The following BICC1 variants were observed in gnomAD, a reference collection of about 807,000 sequenced individuals.
The protein encoded by BICC1 is protein bicaudal C homolog 1.
In BICC1, 43 loss-of-function variants were observed where a neutral mutation model predicts 111.0. The observed-to-expected ratio is 0.39, with a 90% CI of 0.30 to 0.50. The LOEUF (loss-of-function observed/expected upper bound fraction) is 0.50. Ranked by LOEUF, BICC1 falls within the 20% of genes least tolerant of loss-of-function variation. BICC1 has a pLI of 0.88. For synonymous variants in BICC1, 467 were observed against 434.4 expected (o/e 1.07, Z -0.93); for missense variants, 1,091 against 1,203.2 (o/e 0.91, Z 1.38).
chr10:58,528,312 T>C (rs1842597664), intron 1 of BICC1, among the ~76,000 whole-genome samples: 1 of 151,878 alleles, frequency 6.6e-6, no homozygotes, highest in Non-Finnish European at 1.5e-5. Context: ...GTTTTACTGT[T>C]AGTGATAGAA....
chr10:58,590,503 C>A (rs950265870), intron 1 of BICC1, among the ~76,000 whole-genome samples: 5 of 152,098 alleles, frequency 3.3e-5, no homozygotes, highest in African/African-American at 1.2e-4. Flanking sequence ...GCTTTCAGTT[C>A]CAGTTAGTGC....
At chr10:58,620,637 CAA>C (rs1420947349) in intron 1 of BICC1, among the ~76,000 whole-genome samples, 1 of 152,082 alleles carries the variant, frequency 6.6e-6, no homozygotes, top group Non-Finnish European at 1.5e-5. Flanking sequence ...TCAGACAAAG[CAA>C]AAGAGTGTTA....
intron 2 of BICC1, among the ~76,000 whole-genome samples, chr10:58,661,744 A>G: frequency 6.6e-6 from 1 of 152,164 alleles, no homozygotes; most frequent in Non-Finnish European, 1.5e-5. Context: ...TCATTGGAGG[A>G]TAACAGTGCT....
At chr10:58,545,706 A>G in intron 1 of BICC1, among the ~76,000 whole-genome samples, 1 of 152,172 alleles carries the variant, frequency 6.6e-6, no homozygotes, top group Admixed American at 6.6e-5. Context: ...TGTCATCAGT[A>G]GAAGGACGCT....
At chr10:58,813,770 TC>T in intron 17 of BICC1, 59 bp from the exon 18 acceptor site, 2 of 1,544,994 alleles carry the variant, frequency 1.3e-6, no homozygotes, top group South Asian at 2.4e-5. Flanking sequence ...TCTTTTCTCC[TC>T]CCACCCTGAA....
At chr10:58,600,352 C>A (rs1396136938) in intron 1 of BICC1, among the ~76,000 whole-genome samples, 1 of 152,006 alleles carries the variant, frequency 6.6e-6, no homozygotes, top group African/African-American at 2.4e-5. Flanking sequence ...CTGCATTTTA[C>A]GTGTTGTGAG....
At chr10:58,676,620 A>G (rs1296231436) in intron 2 of BICC1, among the ~76,000 whole-genome samples, 3 of 152,204 alleles carry the variant, frequency 2.0e-5, no homozygotes, top group Middle Eastern at 6.8e-3. Flanking sequence ...TGGGTACAGC[A>G]TCAGCAGGCT....
At chr10:58,774,060 A>G (rs1383110510) in intron 3 of BICC1, among the ~76,000 whole-genome samples, 2 of 152,190 alleles carry the variant, frequency 1.3e-5, no homozygotes, top group Non-Finnish European at 2.9e-5. Context: ...AGTGGTGGCC[A>G]TAAACATATG....
At chr10:58,692,195 A>T (rs1344782696) in intron 2 of BICC1, among the ~76,000 whole-genome samples, 1 of 152,164 alleles carries the variant, frequency 6.6e-6, no homozygotes, top group Non-Finnish European at 1.5e-5. Flanking sequence ...AGAGAGAGAC[A>T]GGTGACCTCT....
At chr10:58,735,214 G>A (rs1841431526) in intron 3 of BICC1, among the ~76,000 whole-genome samples, 1 of 152,050 alleles carries the variant, frequency 6.6e-6, no homozygotes. Flanking sequence ...TTCTGTTTTG[G>A]TGACTGCAAC....
chr10:58,641,378 A>G (rs1838118237), intron 2 of BICC1, among the ~76,000 whole-genome samples: 1 of 152,022 alleles, frequency 6.6e-6, no homozygotes, highest in Non-Finnish European at 1.5e-5. Flanking sequence ...GAATTTTTCT[A>G]GGACTTATTG....
chr10:58,723,398 T>A (rs1840999487), intron 3 of BICC1, among the ~76,000 whole-genome samples: 1 of 152,158 alleles, frequency 6.6e-6, no homozygotes, highest in Admixed American at 6.5e-5. Flanking sequence ...GGAAAAAAAT[T>A]AAAAACTTGC....
rs116059678 is a variant in BICC1, at chr10:58,528,207, G to C, written c.190+14874G>C. 7.7e-3 allele frequency among the ~76,000 whole-genome samples: 1,174 copies of C among 151,958 alleles called. 18 individuals are homozygous for C. The highest frequency in any genetic ancestry group is 0.027 in the African/African-American group (1,129 of 41,496). On this transcript the variant is annotated intron_variant, in intron 1 of 20. Transcript: ENST00000373886. ...AAAGTCACGTGCTTGGCCTTAGGAA[G>C]TGCCAAACAGTTCTGCCTTACCCAA...
intron 2 of BICC1, among the ~76,000 whole-genome samples, chr10:58,653,602 T>G (rs1838521121): frequency 6.6e-6 from 1 of 152,192 alleles, no homozygotes; most frequent in Non-Finnish European, 1.5e-5. Context: ...AAGTGTTGTC[T>G]TCATCTGCCA....
intron 2 of BICC1, among the ~76,000 whole-genome samples, chr10:58,674,346 G>T (rs923886794): frequency 6.6e-6 from 1 of 151,816 alleles, no homozygotes; most frequent in Non-Finnish European, 1.5e-5. Context: ...TTTGTACCAT[G>T]TCTGCAGGTC....
chr10:58,617,748 G>C (rs1260742530), intron 1 of BICC1, among the ~76,000 whole-genome samples: 2 of 152,248 alleles, frequency 1.3e-5, no homozygotes, highest in African/African-American at 4.8e-5. Flanking sequence ...AAAAGTAACA[G>C]AAGTGGCCAG....
At chr10:58,650,962 A>G (rs1838428310) in intron 2 of BICC1, 1 of 152,034 alleles carries the variant, frequency 6.6e-6, no homozygotes, top group African/African-American at 2.4e-5. Context: ...TAATGGTAAC[A>G]CTTCTGTTAG....
chr10:58,549,158 T>TC (rs953453770), intron 1 of BICC1, among the ~76,000 whole-genome samples: 1 of 148,666 alleles, frequency 6.7e-6, no homozygotes, highest in African/African-American at 2.5e-5. Context: ...TTTTTTTTTT[T>TC]CTCCTATGAA....
intron 1 of BICC1, among the ~76,000 whole-genome samples, chr10:58,596,513 C>A (rs962078280): frequency 3.3e-5 from 5 of 152,140 alleles, no homozygotes; most frequent in Admixed American, 6.5e-5. Flanking sequence ...GACAAGGATG[C>A]CCTCTCTCAC....
Sources: gnomAD v4.1 joint callset for allele counts (sites outside exome capture counted in the v4.1 genomes callset) on GRCh38, gnomAD v4.1.1 for gene constraint, MANE v1.5 for transcripts, NCBI Gene and HGNC (gene_info 2026-07-23, HGNC 2026-07-21) for gene names.